Variants in WDR7 observed in about 807,000 individuals in gnomAD.
The protein encoded by WDR7 is WD repeat-containing protein 7.
In WDR7, 46 loss-of-function variants were observed where a neutral mutation model predicts 169.4. The ratio of observed to expected loss-of-function variants is 0.27; its 90% CI spans 0.21 to 0.35. The LOEUF is 0.35. Ranked by LOEUF, WDR7 falls within the 10% of genes least tolerant of loss-of-function variation. WDR7 has a pLI of 1.00. For synonymous variants in WDR7, 612 were observed against 666.8 expected (o/e 0.92, Z 1.27); for missense variants, 1,534 against 1,859.3 (o/e 0.83, Z 3.22).
chr18:56,747,331 G>A (rs906285217), intron 14 of WDR7, among the ~76,000 whole-genome samples: 3 of 152,162 alleles, frequency 2.0e-5, no homozygotes, highest in Non-Finnish European at 2.9e-5. Flanking sequence ...GTATAATAGG[G>A]TTGTAATGAA....
At chr18:56,899,034 A>G (rs1241087009) in intron 21 of WDR7, among the ~76,000 whole-genome samples, 1 of 152,160 alleles carries the variant, frequency 6.6e-6, no homozygotes. Context: ...ATTTTATAGT[A>G]GTATAAGTAA....
intron 21 of WDR7, among the ~76,000 whole-genome samples, chr18:56,907,932 T>C (rs184469507): frequency 6.6e-6 from 1 of 152,194 alleles, no homozygotes; most frequent in Non-Finnish European, 1.5e-5. Context: ...CAGCTGTATA[T>C]GCGGATGTGG....
At chr18:56,669,012 A>G (rs1568127215) in intron 1 of WDR7, among the ~76,000 whole-genome samples, 1 of 151,896 alleles carries the variant, frequency 6.6e-6, no homozygotes, top group Non-Finnish European at 1.5e-5. Flanking sequence ...AGAGGAGGAG[A>G]ATATTATTAT....
chr18:56,672,643 T>C lies in WDR7; in HGVS notation c.128T>C (p.Ile43Thr). 1.2e-6 allele frequency: 2 copies of C among 1,612,088 alleles called. No homozygotes were observed. Among genetic ancestry groups the C allele is most frequent in the Non-Finnish European group, 1.7e-6 (2 of 1,179,040 alleles). Residue 43 changes from isoleucine (I) to threonine (T), a missense_variant, in exon 2 of 28, where the codon ATA becomes ACA. Ile to Thr is a moderately conservative substitution (Grantham distance 89, BLOSUM62 -1). Coordinates refer to ENST00000254442, the MANE Select transcript of WDR7 (RefSeq NM_015285.3). ...GTAACAGGATGTCACGACGGACAAA[T>C]ATGTCTCTGGGATCTTTCAGTAGAA... Reference protein sequence around the residue: ...TIVTGCHDGQICLWDLSVELQ... With the variant: ...TIVTGCHDGQTCLWDLSVELQ...
chr18:56,690,030 G>T (rs879540538), intron 7 of WDR7, among the ~76,000 whole-genome samples: 2 of 151,990 alleles, frequency 1.3e-5, no homozygotes, highest in Non-Finnish European at 2.9e-5. Context: ...TAAAACCTCT[G>T]ATCTATTGAG....
At position 56,793,817 on chromosome 18, in the gene WDR7, C is replaced by T. The variant is rs1042727052; in HGVS notation, c.3190+12161C>T. Among the ~76,000 whole-genome samples the T allele has an allele frequency of 5.9e-5, 9 of 152,036 alleles. No homozygotes were observed. In the South Asian group the frequency reaches 6.2e-4, roughly 11 times the overall value. On this transcript the variant is annotated intron_variant, in intron 19 of 27. Transcript: ENST00000254442. The stretch of plus-strand genomic sequence containing the variant: ...AACATTTAAATGCTTCTTTAGAAAG[C>T]GGGCTTACATCTTTCTATTAATTAT...
chr18:56,843,527 T>A (rs1313095781), intron 20 of WDR7, among the ~76,000 whole-genome samples: 1 of 152,222 alleles, frequency 6.6e-6, no homozygotes, highest in Non-Finnish European at 1.5e-5. Flanking sequence ...TGTTAGAGCT[T>A]GTGTCAGGAG....
At chr18:56,909,042 G>A (rs2046518335) in intron 21 of WDR7, among the ~76,000 whole-genome samples, 1 of 152,096 alleles carries the variant, frequency 6.6e-6, no homozygotes, top group African/African-American at 2.4e-5. Context: ...TATATCAAGA[G>A]TCTACCCTGT....
downstream of WDR7, chr18:57,031,266 T>C (rs932803285): frequency 3.3e-5 from 5 of 152,212 alleles, no homozygotes; most frequent in African/African-American, 1.2e-4. Context: ...TAATTTTTTT[T>C]CTAGTTTCCC....
Position 56,794,302 on chromosome 18 carries a change from C to CTTTTTTTTTTTTT in WDR7, c.3190+12647_3190+12648insTTTTTTTTTTTTT, listed in dbSNP as rs1217568621. Among the ~76,000 whole-genome samples, 96 of 29,428 alleles carry CTTTTTTTTTTTTT rather than the reference C, an allele frequency of 3.3e-3. 1 individual carries two copies. Among genetic ancestry groups the CTTTTTTTTTTTTT allele is most frequent in the Admixed American group, 9.9e-3 (19 of 1,914 alleles). The allele number at this position is 29,428 out of a possible 152,430, so 19.3% of individuals were successfully genotyped here. On this transcript the variant is annotated intron_variant, in intron 19 of 27. Transcript: ENST00000254442. ...ATGTTTGTGTCTTAAAAGGTAAAGT[C>CTTTTTTTTTTTTT]TATTTTTTTTTTTTTTTTTTTTTTT...
At chr18:56,727,122 A>G (rs2026475526) in intron 13 of WDR7, among the ~76,000 whole-genome samples, 1 of 152,228 alleles carries the variant, frequency 6.6e-6, no homozygotes, top group African/African-American at 2.4e-5. Context: ...GACAATGGAC[A>G]TTAGTCAATT....
chr18:56,919,960 A>AT (rs2046688494), intron 21 of WDR7, among the ~76,000 whole-genome samples: 1 of 152,134 alleles, frequency 6.6e-6, no homozygotes, highest in African/African-American at 2.4e-5. Context: ...GAATAAACAA[A>AT]TTCCTTAGCG....
intron 21 of WDR7, among the ~76,000 whole-genome samples, chr18:56,909,142 C>CAT (rs2046520294): frequency 1.3e-5 from 2 of 152,026 alleles, no homozygotes; most frequent in Non-Finnish European, 2.9e-5. Flanking sequence ...CAGTTTGTTA[C>CAT]CCAAGATCAA....
intron 16 of WDR7, among the ~76,000 whole-genome samples, chr18:56,767,949 A>T (rs950582188): frequency 1.3e-5 from 2 of 152,206 alleles, no homozygotes; most frequent in Non-Finnish European, 2.9e-5. Flanking sequence ...TGGTGGGACG[A>T]TTCAATATTT....
At chr18:56,736,023 A>C (rs1031771745) in intron 14 of WDR7, among the ~76,000 whole-genome samples, 1 of 152,164 alleles carries the variant, frequency 6.6e-6, no homozygotes, top group Non-Finnish European at 1.5e-5. Context: ...AGTGGTTAAG[A>C]GCCTGGGTTC....
At position 56,872,149 on chromosome 18, in the gene WDR7, C is replaced by T. The variant is rs568897450; in HGVS notation, c.3305-7795C>T. On this transcript the variant is annotated intron_variant, in intron 20 of 27. Coordinates refer to ENST00000254442, the MANE Select transcript of WDR7 (RefSeq NM_015285.3). ...CATCTCTCATAAAACCGCCTTTAGC[C>T]TTAATTCAAATCCATTGATTCCTAT... 5.8e-4 allele frequency among the ~76,000 whole-genome samples: 89 copies of T among 152,180 alleles called. 1 individual carries two copies. The South Asian group carries it at 0.017, about 29-fold the overall frequency.
At chr18:56,723,602 TC>T (rs1304257455) in intron 13 of WDR7, among the ~76,000 whole-genome samples, 2 of 152,124 alleles carry the variant, frequency 1.3e-5, no homozygotes, top group Non-Finnish European at 2.9e-5. Flanking sequence ...ATATAACATT[TC>T]TTTTCTCTGG....
At chr18:56,671,987 TGGA>T (rs2144519720) in intron 1 of WDR7, among the ~76,000 whole-genome samples, 1 of 152,332 alleles carries the variant, frequency 6.6e-6, no homozygotes, top group South Asian at 2.1e-4. Context: ...TCTTTTTTAA[TGGA>T]GGCATACAAC....
At chr18:56,840,071 A>G (rs1384930438) in intron 20 of WDR7, among the ~76,000 whole-genome samples, 1 of 152,094 alleles carries the variant, frequency 6.6e-6, no homozygotes, top group Non-Finnish European at 1.5e-5. Flanking sequence ...CAAAAACAAA[A>G]CAAAACAACA....
Sources: gnomAD v4.1 joint callset for allele counts (sites outside exome capture counted in the v4.1 genomes callset) on GRCh38, gnomAD v4.1.1 for gene constraint, MANE v1.5 for transcripts, NCBI Gene and HGNC (gene_info 2026-07-23, HGNC 2026-07-21) for gene names.